Variants in HEBP2 observed in about 807,000 individuals in gnomAD.
The protein encoded by HEBP2 is heme-binding protein 2.
A neutral mutation model predicts 23.1 loss-of-function variants in HEBP2; 27 were observed. The observed-to-expected ratio is 1.17, with a 90% CI of 0.86 to 1.61. The LOEUF is 1.61. HEBP2 is among the 40% of genes most tolerant of loss of function. The pLI, the probability that HEBP2 is intolerant of heterozygous loss-of-function variation, is 0.00. For missense variants in HEBP2, 245 were observed against 253.8 expected, an observed-to-expected ratio of 0.97 and a Z score of 0.24; for synonymous variants, 99 against 95.1, an observed-to-expected ratio of 1.04 and a Z score of -0.24.
chr6:138,404,577 C>G lies in HEBP2; in HGVS notation c.82C>G (p.Pro28Ala), dbSNP rs771668623. 4.1e-5 allele frequency: 53 copies of G among 1,301,448 alleles called. No homozygotes were observed. Among genetic ancestry groups the G allele is most frequent in the East Asian group, 3.7e-4 (12 of 32,106 alleles). The allele number at this position is 1,301,448 out of a possible 1,614,324, so 80.6% of individuals were successfully genotyped here. A position where few individuals can be genotyped will look rare whatever the true frequency, so the allele number is the denominator to read the frequency against. ...TGTGGAGACGCCGGGCTGGAAGGCC[C>G]CGGAGGACGCCGGCCCCCAGGTAGG... ...QAVETPGWKA[P>A]EDAGPQPGSY... is the part of the protein sequence containing the mutation. The change falls in exon 1 of 4, where the codon CCG (proline) becomes GCG (alanine). Residue 28 changes from proline to alanine, a missense_variant. By Grantham distance (27) the Pro-to-Ala change is conservative (BLOSUM62 -1). Coordinates refer to ENST00000607197, the MANE Select transcript of HEBP2 (RefSeq NM_014320.3).
chr6:138,409,762 C>T (rs955411480), intron 3 of HEBP2, among the ~76,000 whole-genome samples: 1 of 152,208 alleles, frequency 6.6e-6, no homozygotes, highest in African/African-American at 2.4e-5. Flanking sequence ...TGACCTGGCC[C>T]AGCCCTGTCT....
Position 138,419,686 on chromosome 6 carries a change from G to A in HEBP2, c.*6608G>A, listed in dbSNP as rs867464970. 1 of 152,146 alleles carries A rather than the reference G, an allele frequency of 6.6e-6. No homozygotes were observed. The highest frequency in any genetic ancestry group is 6.6e-5 in the Admixed American group (1 of 15,266). The allele number at this position is 152,146 out of a possible 1,614,324, so 9.4% of individuals were successfully genotyped here. A position where few individuals can be genotyped will look rare whatever the true frequency, so the allele number is the denominator to read the frequency against. On this transcript the variant is annotated 3_prime_UTR_variant, in exon 4 of 4. Transcript: ENST00000607197. ...GTATACTTATTGAATCAGAAAGCCTGTATGATGCTGTGTCTACAACAGGAA... is the reference window on the plus strand; with the variant it reads ...GTATACTTATTGAATCAGAAAGCCTATATGATGCTGTGTCTACAACAGGAA...
chr6:138,409,898 T>C lies in HEBP2; in HGVS notation c.420-2982T>C, dbSNP rs533794146. ...TTTTCCTTGCTAAAATTTCCCTGTT[T>C]TAAAATGCGTGTGATCATAATACTT... On this transcript the variant is annotated intron_variant, in intron 3 of 3. Transcript: ENST00000607197. 5.3e-5 allele frequency among the ~76,000 whole-genome samples: 8 copies of C among 152,332 alleles called. No individual in the cohort carries two copies. The East Asian group carries it at 1.2e-3, about 22-fold the overall frequency.
chr6:138,404,640 G>A, intron 1 of HEBP2, 43 bp downstream of exon 1: 1 of 1,217,856 alleles, frequency 8.2e-7, no homozygotes, highest in Non-Finnish European at 1.0e-6. Context: ...CCCGCCTTCC[G>A]GCTGATTTGC....
chr6:138,409,231 G>A (rs999864300), intron 3 of HEBP2, among the ~76,000 whole-genome samples: 4 of 152,068 alleles, frequency 2.6e-5, no homozygotes, highest in Admixed American at 6.6e-5. Flanking sequence ...GCCCAGGCTC[G>A]TCTTGAACTC....
In HEBP2 at chr6:138,404,567, C is replaced by T; in HGVS notation, c.72C>T (p.Gly24=). The change falls in exon 1 of 4, where the codon GGC becomes GGT. Residue 24 remains glycine (G), a synonymous_variant. Coordinates refer to ENST00000607197, the MANE Select transcript of HEBP2 (RefSeq NM_014320.3). The stretch of plus-strand genomic sequence containing the variant: ...CGGCCCAAGCTGTGGAGACGCCGGG[C>T]TGGAAGGCCCCGGAGGACGCCGGCC... ...DAAAQAVETP[G]WKAPEDAGPQ... 1.5e-6 allele frequency: 2 copies of T among 1,306,428 alleles called. No homozygotes were observed. The highest frequency in any genetic ancestry group is 2.1e-5 in the South Asian group (1 of 46,992). 80.9% of individuals were successfully genotyped at this position (1,306,428 alleles called of 1,614,324 possible). A position where few individuals can be genotyped will look rare whatever the true frequency, so the allele number is the denominator to read the frequency against.
chr6:138,410,668 T>A (rs1024148900), intron 3 of HEBP2, among the ~76,000 whole-genome samples: 1 of 152,240 alleles, frequency 6.6e-6, no homozygotes, highest in Middle Eastern at 3.4e-3. Context: ...ATATTTTTAG[T>A]AGAGACGGGG....
In HEBP2 at chr6:138,415,570, A is replaced by G. The variant is rs560946900; in HGVS notation, c.*2492A>G. On this transcript the variant is annotated 3_prime_UTR_variant, in exon 4 of 4. Coordinates refer to ENST00000607197, the MANE Select transcript of HEBP2 (RefSeq NM_014320.3). ...AGTGGATAATGAAAAGCTGAGGTCA[A>G]TTAACAAACAAAACTAAGTGTGAGC... 3.3e-5 allele frequency: 5 copies of G among 152,306 alleles called. No homozygotes were observed. The highest frequency in any genetic ancestry group is 9.6e-5 in the African/African-American group (4 of 41,550). 9.4% of individuals were successfully genotyped at this position (152,306 alleles called of 1,614,324 possible).
Position 138,404,394 on chromosome 6 carries a change from G to A in HEBP2, c.-102G>A, listed in dbSNP as rs548497126. 17 of 721,802 alleles carry A rather than the reference G, an allele frequency of 2.4e-5. No homozygotes were observed. The South Asian group carries it at 2.8e-4, about 12-fold the overall frequency. 44.7% of individuals were successfully genotyped at this position (721,802 alleles called of 1,614,324 possible). A position where few individuals can be genotyped will look rare whatever the true frequency, so the allele number is the denominator to read the frequency against. ...GGAGGAGGGACCGGGTCTGCGGAGC[G>A]GGGACTCGGGGCCTCGGCGGGGCGC... is the stretch of plus-strand genomic sequence containing the variant. On this transcript the variant is annotated 5_prime_UTR_variant, in exon 1 of 4. Coordinates refer to ENST00000607197, the MANE Select transcript of HEBP2 (RefSeq NM_014320.3).
Position 138,414,698 on chromosome 6 carries a change from G to C in HEBP2, c.*1620G>C, listed in dbSNP as rs1430089833. ...CTAGTCTACAACTGAGCAAGGCAGT[G>C]GTAGCTGACAGCATGCTTTTTTCTG... On this transcript the variant is annotated 3_prime_UTR_variant, in exon 4 of 4. Transcript: ENST00000607197. 1 of 152,268 alleles carries C rather than the reference G, an allele frequency of 6.6e-6. No individual in the cohort carries two copies. The highest frequency in any genetic ancestry group is 2.4e-5 in the African/African-American group (1 of 41,442). The allele number at this position is 152,268 out of a possible 1,614,324, so 9.4% of individuals were successfully genotyped here.
chr6:138,417,921 A>T lies in HEBP2; in HGVS notation c.*4843A>T, dbSNP rs1202973865. 2 of 152,246 alleles carry T rather than the reference A, an allele frequency of 1.3e-5. No individual in the cohort carries two copies. Among genetic ancestry groups the T allele is most frequent in the Non-Finnish European group, 2.9e-5 (2 of 68,052 alleles). 9.4% of individuals were successfully genotyped at this position (152,246 alleles called of 1,614,324 possible). A position where few individuals can be genotyped will look rare whatever the true frequency, so the allele number is the denominator to read the frequency against. ...GGGTCATCAGGTGGAGTCCTCCAAC[A>T]GGTGTTGCCTTAGTACTGAGGTCAA... On this transcript the variant is annotated 3_prime_UTR_variant, in exon 4 of 4. Transcript: ENST00000607197.
chr6:138,411,707 C>G (rs1366137448), intron 3 of HEBP2, among the ~76,000 whole-genome samples: 1 of 152,192 alleles, frequency 6.6e-6, no homozygotes, highest in African/African-American at 2.4e-5. Flanking sequence ...CCTATAATCC[C>G]ATTGCTTTGG....
At chr6:138,405,842 G>A in intron 2 of HEBP2, 129 bp from the exon 3 acceptor site, 2 of 805,262 alleles carry the variant, frequency 2.5e-6, no homozygotes, top group Non-Finnish European at 3.8e-6. Flanking sequence ...GTTTTAAGAT[G>A]AAAATTATCT....
rs1339734438 is a variant in HEBP2 at position 138,404,404 on chromosome 6, G to GGCCTCGGC, written c.-90_-83dup. ...CCGGGTCTGCGGAGCGGGGACTCGG[G>GGCCTCGGC]GCCTCGGCGGGGCGCGCACACGCAG... On this transcript the variant is annotated 5_prime_UTR_variant, in exon 1 of 4. Transcript: ENST00000607197. 2 of 836,978 alleles carry GGCCTCGGC rather than the reference G, an allele frequency of 2.4e-6. No homozygotes were observed. Among genetic ancestry groups the GGCCTCGGC allele is most frequent in the South Asian group, 5.9e-5 (1 of 17,056 alleles). The allele number at this position is 836,978 out of a possible 1,614,324, so 51.8% of individuals were successfully genotyped here. A position where few individuals can be genotyped will look rare whatever the true frequency, so the allele number is the denominator to read the frequency against.
intron 3 of HEBP2, among the ~76,000 whole-genome samples, chr6:138,412,525 C>G (rs1420541771): frequency 6.6e-6 from 1 of 152,166 alleles, no homozygotes; most frequent in Non-Finnish European, 1.5e-5. Context: ...GTGATCTTGG[C>G]TCACTGCAAC....
At position 138,421,883 on chromosome 6, in the gene HEBP2, G is replaced by GT. The variant is rs1409187164; in HGVS notation, c.*8807dup. On this transcript the variant is annotated 3_prime_UTR_variant, in exon 4 of 4. Coordinates refer to ENST00000607197, the MANE Select transcript of HEBP2 (RefSeq NM_014320.3). The stretch of plus-strand genomic sequence containing the variant: ...GATGGTGCCATCCAGTGTCTGTGAT[G>GT]TTCCACCTCCTCTGTTGGGTTGTCA... The GT allele has an allele frequency of 6.6e-6, 1 of 152,100 alleles. No individual in the cohort carries two copies. The highest frequency in any genetic ancestry group is 1.5e-5 in the Non-Finnish European group (1 of 68,026). The allele number at this position is 152,100 out of a possible 1,614,324, so 9.4% of individuals were successfully genotyped here.
At chr6:138,404,064 C>A (rs2114760673), upstream of HEBP2, among the ~76,000 whole-genome samples, 1 of 152,096 alleles carries the variant, frequency 6.6e-6, no homozygotes, top group African/African-American at 2.4e-5. Context: ...GTTCCCAGCG[C>A]GGGCGGGGCC....
chr6:138,408,411 C>T (rs1252693781), intron 3 of HEBP2, among the ~76,000 whole-genome samples: 1 of 152,226 alleles, frequency 6.6e-6, no homozygotes, highest in Non-Finnish European at 1.5e-5. Flanking sequence ...GGGACACAAA[C>T]ACAGTTTCTT....
rs1333771219 is a variant in HEBP2, at chr6:138,421,457, C to T, written c.*8379C>T. The T allele has an allele frequency of 2.6e-5, 4 of 152,144 alleles. No homozygotes were observed. The highest frequency in any genetic ancestry group is 4.4e-5 in the Non-Finnish European group (3 of 68,040). The allele number at this position is 152,144 out of a possible 1,614,324, so 9.4% of individuals were successfully genotyped here. On this transcript the variant is annotated 3_prime_UTR_variant, in exon 4 of 4. Coordinates refer to ENST00000607197, the MANE Select transcript of HEBP2 (RefSeq NM_014320.3). ...AATAGTAGGATGGCAGAAAGCAGAT[C>T]GCATTGAGGTTGTTTCCAACTGACA... is the stretch of plus-strand genomic sequence containing the variant.
Sources: gnomAD v4.1 joint callset for allele counts (sites outside exome capture counted in the v4.1 genomes callset) on GRCh38, gnomAD v4.1.1 for gene constraint, MANE v1.5 for transcripts, NCBI Gene and HGNC (gene_info 2026-07-23, HGNC 2026-07-21) for gene names.